ONECUT3: variants seen among roughly 807,000 people sequenced by gnomAD.
ONECUT3 encodes the protein one cut homeobox 3.
A neutral mutation model predicts 16.8 loss-of-function variants in ONECUT3; 11 were observed. That is an observed-to-expected ratio of 0.66 (90% CI 0.41 to 1.09). The LOEUF (loss-of-function observed/expected upper bound fraction) is 1.09. Ranked by LOEUF, ONECUT3 falls within the 50% of genes least tolerant of loss-of-function variation. ONECUT3 has a pLI of 0.00. For missense variants in ONECUT3, 637 were observed against 629.9 expected, an observed-to-expected ratio of 1.01 and a Z score of -0.12; for synonymous variants, 344 against 310.7, an observed-to-expected ratio of 1.11 and a Z score of -1.13.
At position 1,780,973 on chromosome 19, in the gene ONECUT3, T is replaced by TGAAAAAA. The variant is rs1555801976; in HGVS notation, c.*5528_*5529insGAAAAAA. The TGAAAAAA allele has an allele frequency of 7.2e-6, 1 of 138,736 alleles. No individual in the cohort carries two copies. The highest frequency in any genetic ancestry group is 2.8e-5 in the African/African-American group (1 of 35,512). The allele number at this position is 138,736 out of a possible 1,614,324, so 8.6% of individuals were successfully genotyped here. Reference sequence around the variant, plus strand: ...ACCCTTGGGCGACAGGCTTAAAAGCTAAAAAAAAAAAAAAATCTCGTCATT... The same window carrying TGAAAAAA: ...ACCCTTGGGCGACAGGCTTAAAAGCTGAAAAAAAAAAAAAAAAAAAAATCTCGTCATT... On this transcript the variant is annotated 3_prime_UTR_variant, in exon 2 of 2. Transcript: ENST00000382349.
rs191600687 is a variant in ONECUT3, at chr19:1,766,664, G to C, written c.1193-8489G>C. On this transcript the variant is annotated intron_variant, in intron 1 of 1. Coordinates refer to ENST00000382349, the MANE Select transcript of ONECUT3 (RefSeq NM_001080488.2). This position sits in a 1 kb window ranked among gnomAD's most constrained non-coding sequence, Gnocchi z 4.0. Reference sequence around the variant, plus strand: ...GGGTTGACAGGTGGGCCCCAGCTTGGGTTGCAGCAATGACTGAATTCAGGG... The same window carrying C: ...GGGTTGACAGGTGGGCCCCAGCTTGCGTTGCAGCAATGACTGAATTCAGGG... 6.1e-3 allele frequency among the ~76,000 whole-genome samples: 933 copies of C among 152,004 alleles called. 5 individuals are homozygous for C. The highest frequency in any genetic ancestry group is 0.01 in the Middle Eastern group (3 of 294).
intron 1 of ONECUT3, among the ~76,000 whole-genome samples, chr19:1,756,427 C>A (rs927045662): frequency 2.0e-5 from 3 of 152,234 alleles, no homozygotes; most frequent in Non-Finnish European, 4.4e-5. Context: ...ACACATACAG[C>A]GGCACTCGTG....
chr19:1,772,052 T>C (rs2068060453), intron 1 of ONECUT3, among the ~76,000 whole-genome samples: 1 of 151,910 alleles, frequency 6.6e-6, no homozygotes, highest in African/African-American at 2.4e-5. Flanking sequence ...TCTCGCTCTG[T>C]TGCCCAGGCT....
rs2068094625 is a variant in ONECUT3, at chr19:1,775,187, G to T, written c.1227G>T (p.Glu409Asp). The change falls in exon 2 of 2, where the codon GAG (glutamate) becomes GAT (aspartate). Residue 409 changes from glutamate to aspartate, a missense_variant. By Grantham distance (45) the Glu-to-Asp change is conservative. Around this residue, in one of 3 missense-constraint regions of ONECUT3, gnomAD observed 183 missense variants for 188.3 expected, o/e 0.97. Transcript: ENST00000382349. ...GCAAGGAACAGGAGCAGCAGAAGGAGCGCGCCCTGCAGCCCAAGAAGCAGC... is the reference window on the plus strand; with the variant it reads ...GCAAGGAACAGGAGCAGCAGAAGGATCGCGCCCTGCAGCCCAAGAAGCAGC... ...CKRKEQEQQK[E>D]RALQPKKQRL... The T allele has an allele frequency of 6.8e-7, 1 of 1,467,312 alleles. No homozygotes were observed. Among genetic ancestry groups the T allele is most frequent in the African/African-American group, 1.5e-5 (1 of 67,726 alleles). 90.9% of individuals were successfully genotyped at this position (1,467,312 alleles called of 1,614,324 possible). A position where few individuals can be genotyped will look rare whatever the true frequency, so the allele number is the denominator to read the frequency against.
rs1193459591 is a variant in ONECUT3, at chr19:1,779,575, A to G, written c.*4130A>G. 4 of 151,280 alleles carry G rather than the reference A, an allele frequency of 2.6e-5. No homozygotes were observed. Among genetic ancestry groups the G allele is most frequent in the Non-Finnish European group, 4.4e-5 (3 of 67,914 alleles). 9.4% of individuals were successfully genotyped at this position (151,280 alleles called of 1,614,324 possible). A position where few individuals can be genotyped will look rare whatever the true frequency, so the allele number is the denominator to read the frequency against. On this transcript the variant is annotated 3_prime_UTR_variant, in exon 2 of 2. Transcript: ENST00000382349. Reference sequence around the variant, plus strand: ...TGTGTTCAAATGTAATTTAAGAAAAAAAAAGGAAGAAAAATGCAAAAAAAA... The same window carrying G: ...TGTGTTCAAATGTAATTTAAGAAAAGAAAAGGAAGAAAAATGCAAAAAAAA...
Position 1,754,068 on chromosome 19 carries a change from G to A in ONECUT3, c.406G>A (p.Ala136Thr), listed in dbSNP as rs1212089485. Residue 136 changes from alanine (A) to threonine (T), a missense_variant, in exon 1 of 2, where the codon GCG becomes ACG. Physicochemically the swap from Ala to Thr is moderately conservative, Grantham distance 58. This residue lies in a region of ONECUT3 where 419 missense variants were observed against 377.9 expected (regional missense o/e 1.11). Transcript: ENST00000382349. This position sits in a 1 kb window ranked among gnomAD's most constrained non-coding sequence, Gnocchi z 7.4. ...QHAAAAAVAG[A>T]HGGHPHAHPH... ...CGCGGCGGCCGCGGCCGTGGCCGGG[G>A]CGCACGGCGGCCATCCCCACGCGCA... The A allele has an allele frequency of 1.2e-4, 116 of 997,106 alleles. No individual in the cohort carries two copies. The highest frequency in any genetic ancestry group is 1.8e-4 in the Admixed American group (3 of 16,368). The allele number at this position is 997,106 out of a possible 1,614,324, so 61.8% of individuals were successfully genotyped here.
rs1331590191 is a variant in ONECUT3, at chr19:1,762,297, G to C, written c.1192+7443G>C. 6.6e-6 allele frequency among the ~76,000 whole-genome samples: 1 copy of C among 152,182 alleles called. No homozygotes were observed. Among genetic ancestry groups the C allele is most frequent in the Non-Finnish European group, 1.5e-5 (1 of 68,022 alleles). ...CCTCCTGCCCTCCTCTCTGGGAGTC[G>C]GGACAGAAGCTGCTGGGCTCTCCTC... On this transcript the variant is annotated intron_variant, in intron 1 of 1. Transcript: ENST00000382349. The surrounding 1 kb of genome is among the most constrained non-coding windows in gnomAD (Gnocchi z 4.4).
At chr19:1,772,683 A>G (rs12985581) in intron 1 of ONECUT3, among the ~76,000 whole-genome samples, 9,378 of 107,072 alleles carry the variant, frequency 0.088, 380 homozygotes, top group African/African-American at 0.13. Context: ...TATCTGCTTT[A>G]CTCTTTTTTT....
Position 1,754,268 on chromosome 19 carries a change from GC to G in ONECUT3, c.609del (p.Asn204ThrfsTer131). 1 of 1,062,156 alleles carries G rather than the reference GC, an allele frequency of 9.4e-7. No homozygotes were observed. Among genetic ancestry groups the G allele is most frequent in the Non-Finnish European group, 1.1e-6 (1 of 883,010 alleles). 65.8% of individuals were successfully genotyped at this position (1,062,156 alleles called of 1,614,324 possible). On this transcript the variant is annotated frameshift_variant, in exon 1 of 2. Transcript: ENST00000382349. LOFTEE classifies it high-confidence loss of function. The surrounding 1 kb of genome is among the most constrained non-coding windows in gnomAD (Gnocchi z 7.4). Reference sequence around the variant, plus strand: ...CCATGGGGTCGCCGCTGTCGCCGCTGCCCAACGCGCTGCCGCCCGCGCTGCA... The same window carrying G: ...CCATGGGGTCGCCGCTGTCGCCGCTGCCAACGCGCTGCCGCCCGCGCTGCA... ...PAMGSPLSPL[P>X]NALPPALHGA...
chr19:1,760,179 G>C (rs532938755), intron 1 of ONECUT3, among the ~76,000 whole-genome samples: 1 of 152,228 alleles, frequency 6.6e-6, no homozygotes, highest in Non-Finnish European at 1.5e-5. Flanking sequence ...AGAGAAAGGC[G>C]CTTGCCAGAG....
At chr19:1,763,404 G>A (rs561122228) in intron 1 of ONECUT3, among the ~76,000 whole-genome samples, 725 of 65,012 alleles carry the variant, frequency 0.011, 5 homozygotes, top group African/African-American at 0.025. Context: ...AAATTAGCCA[G>A]ATGTGGTGGT....
chr19:1,753,784 C>G lies in ONECUT3; in HGVS notation c.122C>G (p.Pro41Arg). The change falls in exon 1 of 2, where the codon CCC (proline) becomes CGC (arginine). Residue 41 changes from proline (P) to arginine (R), a missense_variant. Around this residue, in one of 3 missense-constraint regions of ONECUT3, gnomAD observed 419 missense variants for 377.9 expected, o/e 1.11. Transcript: ENST00000382349. ...GCGCAGCACCGCGGCCTGGTGGCGC[C>G]CGGGCGCCCGGGCCTGGTGGCCGGC... ...AAAQHRGLVA[P>R]GRPGLVAGMA... The G allele has an allele frequency of 1.0e-6, 1 of 974,848 alleles. No homozygotes were observed. Among genetic ancestry groups the G allele is most frequent in the Non-Finnish European group, 1.2e-6 (1 of 821,936 alleles). The allele number at this position is 974,848 out of a possible 1,614,324, so 60.4% of individuals were successfully genotyped here.
chr19:1,775,148 C>CCCCCCCCCCCCG lies in ONECUT3; in HGVS notation c.1193-5_1193-4insCCCCCCCCCCCG. 6.9e-7 allele frequency: 1 copy of CCCCCCCCCCCCG among 1,447,398 alleles called. No individual in the cohort carries two copies. The highest frequency in any genetic ancestry group is 9.2e-7 in the Non-Finnish European group (1 of 1,084,572). 89.7% of individuals were successfully genotyped at this position (1,447,398 alleles called of 1,614,324 possible). A position where few individuals can be genotyped will look rare whatever the true frequency, so the allele number is the denominator to read the frequency against. ...CTCGCCCGCCCGCCCGCCGCTCGCCCGCAGCCTGCAAGCGCAAGGAACAGG... is the reference window on the plus strand; with the variant it reads ...CTCGCCCGCCCGCCCGCCGCTCGCCCCCCCCCCCCCCGGCAGCCTGCAAGCGCAAGGAACAGG... On this transcript the variant is annotated splice_region_variant and splice_polypyrimidine_tract_variant and intron_variant, in intron 1 of 1. Transcript: ENST00000382349.
At chr19:1,773,052 C>G (rs1006545927) in intron 1 of ONECUT3, among the ~76,000 whole-genome samples, 4 of 152,088 alleles carry the variant, frequency 2.6e-5, no homozygotes, top group South Asian at 4.1e-4. Context: ...TTATTTTACT[C>G]TGGCTGTTAT....
intron 1 of ONECUT3, among the ~76,000 whole-genome samples, chr19:1,770,968 A>T (rs527237078): frequency 6.6e-6 from 1 of 152,298 alleles, no homozygotes; most frequent in Admixed American, 6.5e-5. Flanking sequence ...CTGTTGCCTA[A>T]ATTAACATTT....
chr19:1,762,436 C>T lies in ONECUT3; in HGVS notation c.1192+7582C>T, dbSNP rs1288553853. 1.3e-5 allele frequency among the ~76,000 whole-genome samples: 2 copies of T among 152,262 alleles called. No individual in the cohort carries two copies. Among genetic ancestry groups the T allele is most frequent in the Admixed American group, 6.5e-5 (1 of 15,286 alleles). On this transcript the variant is annotated intron_variant, in intron 1 of 1. Transcript: ENST00000382349. This position sits in a 1 kb window ranked among gnomAD's most constrained non-coding sequence, Gnocchi z 4.4. ...CCACGCATTTCCAAGCGCCCTTTCCCGTCCAAGGACCTGCTGGGGGGATGA... is the reference window on the plus strand; with the variant it reads ...CCACGCATTTCCAAGCGCCCTTTCCTGTCCAAGGACCTGCTGGGGGGATGA...
chr19:1,758,314 A>AGG lies in ONECUT3; in HGVS notation c.1192+3460_1192+3461insGG, dbSNP rs1568592896. On this transcript the variant is annotated intron_variant, in intron 1 of 1. Transcript: ENST00000382349. This position sits in a 1 kb window ranked among gnomAD's most constrained non-coding sequence, Gnocchi z 5.9. Reference sequence around the variant, plus strand: ...GGCAGAGAGACCAAAAAAAAAAAAAAAAGAGAGAGAGAGAGAGAGAGACAG... The same window carrying AGG: ...GGCAGAGAGACCAAAAAAAAAAAAAAGGAAGAGAGAGAGAGAGAGAGAGACAG... Among the ~76,000 whole-genome samples, 1 of 124,454 alleles carries AGG rather than the reference A, an allele frequency of 8.0e-6. No homozygotes were observed. Among genetic ancestry groups the AGG allele is most frequent in the African/African-American group, 3.2e-5 (1 of 31,414 alleles). The allele number at this position is 124,454 out of a possible 152,430, so 81.6% of individuals were successfully genotyped here.
At chr19:1,765,022 G>A (rs1231610498) in intron 1 of ONECUT3, among the ~76,000 whole-genome samples, 2 of 152,142 alleles carry the variant, frequency 1.3e-5, no homozygotes, top group Non-Finnish European at 2.9e-5. Flanking sequence ...AGGGAGGACG[G>A]GCACACAGCG....
intron 1 of ONECUT3, among the ~76,000 whole-genome samples, chr19:1,774,078 C>A (rs551990275): frequency 6.6e-6 from 1 of 152,248 alleles, no homozygotes; most frequent in South Asian, 2.1e-4. Context: ...GCACTCTCCC[C>A]TCCTCCTCCA....
Sources: allele counts gnomAD v4.1 joint callset (sites outside exome capture counted in the v4.1 genomes callset), GRCh38; gene constraint gnomAD v4.1.1; regional missense constraint gnomAD v4.1.1; non-coding constraint Gnocchi (gnomAD v3.1); transcripts MANE v1.5; gene names NCBI Gene and HGNC (gene_info 2026-07-23, HGNC 2026-07-21).